Variants in CNTNAP5 observed in about 807,000 individuals in gnomAD.
CNTNAP5 encodes the protein contactin associated protein family member 5, also known as contactin-associated protein-like 5.
CNTNAP5 carries 72 observed loss-of-function variants against 150.2 expected under a neutral mutation model. The ratio of observed to expected loss-of-function variants is 0.48; its 90% CI spans 0.40 to 0.58. The LOEUF is 0.58. Ranked by LOEUF, CNTNAP5 falls within the 20% of genes least tolerant of loss-of-function variation. CNTNAP5 has a pLI of 0.00. For synonymous variants in CNTNAP5, 672 were observed against 619.8 expected, an observed-to-expected ratio of 1.08 and a Z score of -1.25; for missense variants, 1,636 against 1,626.2, an observed-to-expected ratio of 1.01 and a Z score of -0.10.
At chr2:124,325,210 G>C (rs889799842) in intron 3 of CNTNAP5, among the ~76,000 whole-genome samples, 2 of 152,086 alleles carry the variant, frequency 1.3e-5, no homozygotes, top group Admixed American at 6.6e-5. Flanking sequence ...TAGTCAGAAG[G>C]CACCAACCAT....
rs1325987147 is a variant in CNTNAP5 at position 124,753,742 on chromosome 2, TGAGGGGA to T, written c.2234+6358_2234+6364del. Reference sequence around the variant, plus strand: ...GATGGACGCTGAGATTGTTTCCATGTGAGGGGATAGATATGTCAGGTAGCTTGATTTA... The same window carrying T: ...GATGGACGCTGAGATTGTTTCCATGTTAGATATGTCAGGTAGCTTGATTTA... On this transcript the variant is annotated intron_variant, in intron 14 of 23. Coordinates refer to ENST00000682447, the MANE Select transcript of CNTNAP5 (RefSeq NM_001367498.1). Among the ~76,000 whole-genome samples the T allele has an allele frequency of 2.0e-5, 3 of 152,224 alleles. No individual in the cohort carries two copies. The East Asian group carries it at 5.8e-4, about 29-fold the overall frequency.
At chr2:124,835,063 G>A (rs142888400) in intron 19 of CNTNAP5, among the ~76,000 whole-genome samples, 27 of 151,744 alleles carry the variant, frequency 1.8e-4, no homozygotes, top group African/African-American at 5.8e-4. Flanking sequence ...CTTAAAACAG[G>A]GATCATAATT....
At chr2:124,554,175 CT>C (rs1481395336) in intron 10 of CNTNAP5, among the ~76,000 whole-genome samples, 3 of 151,760 alleles carry the variant, frequency 2.0e-5, no homozygotes, top group Non-Finnish European at 4.4e-5. Flanking sequence ...TCTAAGGGAC[CT>C]TTGGAAATGT....
chr2:124,775,574 T>A (rs1681304919), intron 17 of CNTNAP5, among the ~76,000 whole-genome samples: 1 of 152,102 alleles, frequency 6.6e-6, no homozygotes, highest in Non-Finnish European at 1.5e-5. Context: ...ATAGGCTGCG[T>A]TTTTACAATA....
chr2:124,572,350 G>A (rs1359558089), intron 11 of CNTNAP5, among the ~76,000 whole-genome samples: 2 of 152,074 alleles, frequency 1.3e-5, no homozygotes, highest in Non-Finnish European at 2.9e-5. Context: ...CAGAAAAGAT[G>A]AGTATTGGTT....
At chr2:124,206,529 C>G (rs1272160176) in intron 1 of CNTNAP5, among the ~76,000 whole-genome samples, 1 of 152,140 alleles carries the variant, frequency 6.6e-6, no homozygotes, top group Non-Finnish European at 1.5e-5. Context: ...TGTGCTATCA[C>G]AAGGGTTAGG....
intron 19 of CNTNAP5, among the ~76,000 whole-genome samples, chr2:124,857,060 C>A (rs970764466): frequency 2.0e-5 from 3 of 152,186 alleles, no homozygotes; most frequent in Non-Finnish European, 4.4e-5. Flanking sequence ...TCTGAAGGGG[C>A]AAATGGTTTC....
intron 3 of CNTNAP5, among the ~76,000 whole-genome samples, chr2:124,368,785 G>T (rs1331674795): frequency 6.6e-6 from 1 of 152,064 alleles, no homozygotes; most frequent in Non-Finnish European, 1.5e-5. Flanking sequence ...CATATACTGT[G>T]TTATTATTTG....
At chr2:124,099,830 G>A (rs1233449989) in intron 1 of CNTNAP5, among the ~76,000 whole-genome samples, 2 of 152,038 alleles carry the variant, frequency 1.3e-5, no homozygotes, top group African/African-American at 2.4e-5. Context: ...TCAAAAACCA[G>A]ATCTCATGAA....
At position 124,127,010 on chromosome 2, in the gene CNTNAP5, T is replaced by A. The variant is rs6745346; in HGVS notation, c.83-94695T>A. ...TTTGAAAACTGGCACAAGACAGGGATGCCCTCTCTCACCACTCTTATTCAA... is the reference window on the plus strand; with the variant it reads ...TTTGAAAACTGGCACAAGACAGGGAAGCCCTCTCTCACCACTCTTATTCAA... On this transcript the variant is annotated intron_variant, in intron 1 of 23. Coordinates refer to ENST00000682447, the MANE Select transcript of CNTNAP5 (RefSeq NM_001367498.1). Among the ~76,000 whole-genome samples, 958 of 152,320 alleles carry A rather than the reference T, an allele frequency of 6.3e-3. 10 individuals carry two copies. The highest frequency in any genetic ancestry group is 0.022 in the African/African-American group (914 of 41,572).
intron 13 of CNTNAP5, among the ~76,000 whole-genome samples, chr2:124,715,546 G>T (rs561893595): frequency 6.6e-6 from 1 of 152,074 alleles, no homozygotes; most frequent in African/African-American, 2.4e-5. Context: ...AAGTTCTAGG[G>T]TACATGTGCA....
At chr2:124,849,401 T>A (rs1279705992) in intron 19 of CNTNAP5, among the ~76,000 whole-genome samples, 3 of 152,164 alleles carry the variant, frequency 2.0e-5, no homozygotes, top group Non-Finnish European at 4.4e-5. Context: ...TAATTAGGAA[T>A]TCAGCATGGA....
In CNTNAP5 at chr2:124,361,637, G is replaced by T. The variant is rs6724736; in HGVS notation, c.382-55806G>T. 2.8e-4 allele frequency among the ~76,000 whole-genome samples: 37 copies of T among 133,664 alleles called. 1 individual carries two copies. The highest frequency in any genetic ancestry group is 4.6e-4 in the Non-Finnish European group (28 of 60,444). The allele number at this position is 133,664 out of a possible 152,430, so 87.7% of individuals were successfully genotyped here. On this transcript the variant is annotated intron_variant, in intron 3 of 23. Transcript: ENST00000682447. ...AGGCTGCTCGGGGGTCAGGGGTCAG[G>T]GACCCACTTGAGGAGGCAGTCTGCC...
intron 3 of CNTNAP5, among the ~76,000 whole-genome samples, chr2:124,343,810 G>A (rs1689674104): frequency 6.6e-6 from 1 of 152,110 alleles, no homozygotes; most frequent in African/African-American, 2.4e-5. Flanking sequence ...AAAGAATAGA[G>A]GCTTATTTAA....
intron 10 of CNTNAP5, among the ~76,000 whole-genome samples, chr2:124,541,795 C>A (rs1354777167): frequency 1.3e-5 from 2 of 152,100 alleles, no homozygotes; most frequent in African/African-American, 4.8e-5. Flanking sequence ...GCCCAGGATT[C>A]CATGATGGAT....
In CNTNAP5 at chr2:124,767,953, A is replaced by T. The variant is rs372814181; in HGVS notation, c.2533+3806A>T. On this transcript the variant is annotated intron_variant, in intron 16 of 23. Transcript: ENST00000682447. ...CAGCCTTACGAGCAATCCTCCTGAG[A>T]GGCCACTCACTTGGCCCCCAAGAAC... Among the ~76,000 whole-genome samples the T allele has an allele frequency of 2.6e-5, 4 of 152,292 alleles. No individual in the cohort carries two copies. In the East Asian group the frequency reaches 5.8e-4, roughly 22 times the overall value.
Position 124,790,021 on chromosome 2 carries a change from C to T in CNTNAP5, c.2872C>T (p.Pro958Ser). 1 of 1,613,914 alleles carries T rather than the reference C, an allele frequency of 6.2e-7. No individual in the cohort carries two copies. Among genetic ancestry groups the T allele is most frequent in the Non-Finnish European group, 8.5e-7 (1 of 1,179,840 alleles). ...KVTSGVRPGCPGHCSSYGSIC... is the reference protein window; with the variant it reads ...KVTSGVRPGCSGHCSSYGSIC... ...CACATCTGGAGTCAGGCCAGGCTGC[C>T]CCGGCCACTGCAGCAGCTACGGCAG... Residue 958 changes from proline (P) to serine (S), a missense_variant, in exon 18 of 24, where the codon CCC becomes TCC. By Grantham distance (74) the Pro-to-Ser change is moderately conservative. Transcript: ENST00000682447.
chr2:124,152,605 G>A (rs1684432769), intron 1 of CNTNAP5, among the ~76,000 whole-genome samples: 1 of 152,118 alleles, frequency 6.6e-6, no homozygotes, highest in Admixed American at 6.6e-5. Context: ...GTTTTGTGGA[G>A]GGAGAGAGCA....
At chr2:124,194,956 G>A (rs188399498) in intron 1 of CNTNAP5, among the ~76,000 whole-genome samples, 20 of 151,788 alleles carry the variant, frequency 1.3e-4, no homozygotes, top group Admixed American at 1.0e-3. Flanking sequence ...TACTATATAA[G>A]GGATCCTGCA....
Sources: allele counts gnomAD v4.1 joint callset (sites outside exome capture counted in the v4.1 genomes callset), GRCh38; gene constraint gnomAD v4.1.1; transcripts MANE v1.5; gene names NCBI Gene and HGNC (gene_info 2026-07-23, HGNC 2026-07-21).